The following SNX24 variants were observed in gnomAD, a reference collection of about 807,000 sequenced individuals.
The protein encoded by SNX24 is sorting nexin 24.
Under a neutral mutation model 28.7 loss-of-function variants are expected in SNX24, and 22 were observed. The observed-to-expected ratio is 0.77, with a 90% CI of 0.55 to 1.10. SNX24 has a LOEUF of 1.10. Ranked by LOEUF, SNX24 falls within the 50% of genes least tolerant of loss-of-function variation. The pLI, the probability that SNX24 is intolerant of heterozygous loss-of-function variation, is 0.00. For missense variants in SNX24, 221 were observed against 201.1 expected (o/e 1.10, Z -0.60); for synonymous variants, 69 against 71.5 (o/e 0.96, Z 0.18).
chr5:122,951,138 G>T (rs1759918777), intron 3 of SNX24, among the ~76,000 whole-genome samples: 1 of 151,630 alleles, frequency 6.6e-6, no homozygotes, highest in Non-Finnish European at 1.5e-5. Context: ...GTGGTGGCGG[G>T]CACCTGTAGT....
intron 4 of SNX24, 40 bp from the exon 5 acceptor site, chr5:123,001,365 A>G (rs757638692): frequency 1.5e-6 from 2 of 1,378,298 alleles, no homozygotes; most frequent in South Asian, 1.2e-5. Flanking sequence ...GACTCAACAT[A>G]TGTGGTTTTT....
At chr5:123,002,051 T>C in intron 6 of SNX24, 47 bp downstream of exon 6, 1 of 1,463,436 alleles carries the variant, frequency 6.8e-7, no homozygotes, top group South Asian at 1.1e-5. Flanking sequence ...GATCTGACCC[T>C]GCACCACATA....
intron 3 of SNX24, among the ~76,000 whole-genome samples, chr5:122,987,428 A>G (rs766973063): frequency 7.9e-5 from 12 of 152,078 alleles, no homozygotes; most frequent in South Asian, 4.1e-4. Flanking sequence ...CTACTGTTCT[A>G]GAGAAAAGTA....
At chr5:122,996,030 T>C (rs1762041926) in intron 3 of SNX24, among the ~76,000 whole-genome samples, 1 of 152,190 alleles carries the variant, frequency 6.6e-6, no homozygotes, top group African/African-American at 2.4e-5. Flanking sequence ...CATTTTAGAA[T>C]AATATATAGA....
At chr5:123,012,675 A>G (rs1762610598), downstream of SNX24, among the ~76,000 whole-genome samples, 1 of 152,214 alleles carries the variant, frequency 6.6e-6, no homozygotes, top group African/African-American at 2.4e-5. Flanking sequence ...TTTTACCACA[A>G]TAAAAACAAT....
rs531530337 is a variant in SNX24 at position 122,945,094 on chromosome 5, G to A, written c.145-961G>A. On this transcript the variant is annotated intron_variant, in intron 2 of 6. Transcript: ENST00000261369. ...AAAATCAAGGTGTCAGCAGGATGACGTTTGCTCTAGAGGATCTAGGGCAGA... is the reference window on the plus strand; with the variant it reads ...AAAATCAAGGTGTCAGCAGGATGACATTTGCTCTAGAGGATCTAGGGCAGA... 1.2e-4 allele frequency among the ~76,000 whole-genome samples: 18 copies of A among 152,246 alleles called. No individual in the cohort carries two copies. In the South Asian group the frequency reaches 2.3e-3, roughly 19 times the overall value.
intron 3 of SNX24, among the ~76,000 whole-genome samples, chr5:122,993,582 G>A (rs921471063): frequency 4.6e-5 from 7 of 152,146 alleles, no homozygotes; most frequent in African/African-American, 1.7e-4. Context: ...TTATAGGCGT[G>A]AGCCACCATG....
intron 3 of SNX24, among the ~76,000 whole-genome samples, chr5:122,963,857 T>C (rs1443362699): frequency 6.6e-6 from 1 of 152,216 alleles, no homozygotes; most frequent in East Asian, 1.9e-4. Flanking sequence ...TTTTTGTTAT[T>C]GTTCTCACTA....
At chr5:123,011,196 G>C (rs1581864524), downstream of SNX24, among the ~76,000 whole-genome samples, 1 of 151,732 alleles carries the variant, frequency 6.6e-6, no homozygotes, top group South Asian at 2.1e-4. Flanking sequence ...AAGGAAACCA[G>C]AGGAAGGAAA....
At chr5:122,902,334 G>C (rs1581725346) in intron 1 of SNX24, among the ~76,000 whole-genome samples, 1 of 152,244 alleles carries the variant, frequency 6.6e-6, no homozygotes, top group African/African-American at 2.4e-5. Flanking sequence ...CCAGGTTCAA[G>C]AGGCTGAAGA....
Position 122,873,380 on chromosome 5 carries a change from C to A in SNX24, c.60+27687C>A, listed in dbSNP as rs564452070. 5.9e-5 allele frequency among the ~76,000 whole-genome samples: 9 copies of A among 152,110 alleles called. No individual in the cohort carries two copies. In the South Asian group the frequency reaches 6.2e-4, roughly 11 times the overall value. ...TGATCTTTCTGTGGCCTAGATAATT[C>A]TAAATGCCTGCGTGGGGAGGCAGGC... On this transcript the variant is annotated intron_variant, in intron 1 of 6. Coordinates refer to ENST00000261369, the MANE Select transcript of SNX24 (RefSeq NM_014035.4).
chr5:122,876,911 C>A (rs1427379672), intron 1 of SNX24, among the ~76,000 whole-genome samples: 1 of 152,118 alleles, frequency 6.6e-6, no homozygotes, highest in Non-Finnish European at 1.5e-5. Flanking sequence ...AACATTATAT[C>A]ATGGACGATA....
At chr5:122,958,492 G>C (rs1470205431) in intron 3 of SNX24, among the ~76,000 whole-genome samples, 1 of 151,942 alleles carries the variant, frequency 6.6e-6, no homozygotes, top group African/African-American at 2.4e-5. Context: ...GATCTCAGGT[G>C]ATCCACCCAC....
downstream of SNX24, among the ~76,000 whole-genome samples, chr5:123,009,484 TA>T (rs1332196010): frequency 1.4e-4 from 22 of 152,370 alleles, no homozygotes; most frequent in African/African-American, 5.3e-4. Flanking sequence ...TTCTGAGAAT[TA>T]AGTTTTTTCT....
At position 122,987,661 on chromosome 5, in the gene SNX24, C is replaced by T. The variant is rs150719320; in HGVS notation, c.250-12251C>T. On this transcript the variant is annotated intron_variant, in intron 3 of 6. Coordinates refer to ENST00000261369, the MANE Select transcript of SNX24 (RefSeq NM_014035.4). ...GGGGACTGATTCTGATGGTAGATCA[C>T]AGCTCCTTAAGCTGGACAAGAGGGC... Among the ~76,000 whole-genome samples the T allele has an allele frequency of 3.1e-3, 470 of 152,256 alleles. 3 individuals carry two copies. Among genetic ancestry groups the T allele is most frequent in the African/African-American group, 0.011 (454 of 41,538 alleles).
chr5:122,873,196 A>G (rs1157821970), intron 1 of SNX24, among the ~76,000 whole-genome samples: 1 of 152,050 alleles, frequency 6.6e-6, no homozygotes, highest in African/African-American at 2.4e-5. Flanking sequence ...GGTGGTCTCA[A>G]ACTCCCGGGC....
At chr5:122,994,710 C>T (rs1221510884) in intron 3 of SNX24, among the ~76,000 whole-genome samples, 2 of 152,214 alleles carry the variant, frequency 1.3e-5, no homozygotes, top group East Asian at 3.9e-4. Flanking sequence ...CTGCCCCATG[C>T]AGGAAGTTTT....
intron 1 of SNX24, among the ~76,000 whole-genome samples, chr5:122,896,466 C>T (rs1378126577): frequency 6.6e-6 from 1 of 152,200 alleles, no homozygotes; most frequent in African/African-American, 2.4e-5. Flanking sequence ...CGAATGCTGT[C>T]CTACCATGTT....
chr5:123,011,254 C>T (rs115408275), downstream of SNX24, among the ~76,000 whole-genome samples: 1 of 152,152 alleles, frequency 6.6e-6, no homozygotes, highest in African/African-American at 2.4e-5. Context: ...GTGGGGACAT[C>T]ATTTGTCCTG....
Sources: allele counts gnomAD v4.1 joint callset (sites outside exome capture counted in the v4.1 genomes callset), GRCh38; gene constraint gnomAD v4.1.1; transcripts MANE v1.5; gene names NCBI Gene and HGNC (gene_info 2026-07-23, HGNC 2026-07-21).